The following TRABD2A variants were observed in gnomAD, a reference collection of about 807,000 sequenced individuals.
TRABD2A encodes the protein TraB domain containing 2A, also known as metalloprotease TIKI1.
Under a neutral mutation model 45.6 loss-of-function variants are expected in TRABD2A, and 43 were observed. The ratio of observed to expected loss-of-function variants is 0.94; its 90% CI spans 0.74 to 1.22. The LOEUF (loss-of-function observed/expected upper bound fraction) is 1.22. TRABD2A is among the 50% of genes most tolerant of loss of function. The probability of loss-of-function intolerance (pLI) is 0.00; values close to 1 mark genes in which losing one functional copy is unlikely to be tolerated. For synonymous variants in TRABD2A, 269 were observed against 265.0 expected, an observed-to-expected ratio of 1.02 and a Z score of -0.15; for missense variants, 642 against 652.4, an observed-to-expected ratio of 0.98 and a Z score of 0.17.
chr2:84,876,401 G>T (rs1044424101), intron 1 of TRABD2A, among the ~76,000 whole-genome samples: 9 of 152,356 alleles, frequency 5.9e-5, no homozygotes, highest in Non-Finnish European at 1.2e-4. Context: ...CAGCAAGGTT[G>T]CTGGGAAAAT....
intron 2 of TRABD2A, among the ~76,000 whole-genome samples, chr2:84,849,739 A>T (rs2105389178): frequency 6.6e-6 from 1 of 152,336 alleles, no homozygotes; most frequent in Middle Eastern, 3.4e-3. Flanking sequence ...AAATAAAAAA[A>T]TGCCTTAGAG....
At chr2:84,877,081 A>G (rs1267869243) in intron 1 of TRABD2A, among the ~76,000 whole-genome samples, 2 of 152,196 alleles carry the variant, frequency 1.3e-5, no homozygotes, top group Non-Finnish European at 1.5e-5. Context: ...CCGGATTCCC[A>G]CTGTGTGCAC....
intron 2 of TRABD2A, among the ~76,000 whole-genome samples, chr2:84,863,615 T>C (rs1264859912): frequency 1.7e-5 from 2 of 115,552 alleles, no homozygotes; most frequent in African/African-American, 7.0e-5. Flanking sequence ...TTTTTTTTTT[T>C]TTTTTTGTCT....
chr2:84,860,170 C>A (rs962431207), intron 2 of TRABD2A, among the ~76,000 whole-genome samples: 7 of 152,126 alleles, frequency 4.6e-5, no homozygotes, highest in African/African-American at 1.4e-4. Context: ...TGCAAAATCT[C>A]CTTCCTGTCA....
At chr2:84,838,112 G>A (rs993050882) in intron 4 of TRABD2A, 8 of 665,700 alleles carry the variant, frequency 1.2e-5, no homozygotes, top group Admixed American at 1.0e-4. Flanking sequence ...ATGTCAAATA[G>A]TGATGATTCT....
chr2:84,824,127 G>A lies in TRABD2A; in HGVS notation c.1160C>T (p.Pro387Leu), dbSNP rs200678068. The A allele has an allele frequency of 3.0e-5, 49 of 1,613,950 alleles. No individual in the cohort carries two copies. The African/African-American group carries it at 4.8e-4, about 16-fold the overall frequency. The change falls in exon 6 of 7, where the codon CCG becomes CTG. Residue 387 changes from proline to leucine, a missense_variant. Pro to Leu is a moderately conservative substitution (Grantham distance 98). Transcript: ENST00000409520. ...CCCTGAGGATACGGCTTCTGGTGCC[G>A]GTACTTCCAGGGTAGGGACTTTTGG... ...FAPKVPTLEV[P>L]APEAVSSGHS...
At chr2:84,859,950 G>C (rs532540373) in intron 2 of TRABD2A, among the ~76,000 whole-genome samples, 4 of 123,104 alleles carry the variant, frequency 3.2e-5, no homozygotes, top group East Asian at 2.0e-4. Flanking sequence ...TTGGAGAGAT[G>C]GGGGGGGGTC....
intron 2 of TRABD2A, among the ~76,000 whole-genome samples, chr2:84,863,597 C>CTTTTTTTTTTTTTTT (rs55952015): frequency 3.5e-4 from 27 of 78,116 alleles, no homozygotes; most frequent in African/African-American, 4.4e-4. Context: ...TTCAAATTTT[C>CTTTTTTTTTTTTTTT]TTTTTTTTTT....
intron 1 of TRABD2A, among the ~76,000 whole-genome samples, 166 bp downstream of exon 1, chr2:84,880,766 G>A (rs537394150): frequency 5.1e-4 from 78 of 152,344 alleles, no homozygotes; most frequent in African/African-American, 1.9e-3. Context: ...AGGGGAACCC[G>A]AGGGCACGGA....
chr2:84,833,418 G>A (rs1203340791), intron 4 of TRABD2A: 3 of 152,346 alleles, frequency 2.0e-5, no homozygotes, highest in Non-Finnish European at 2.9e-5. Flanking sequence ...TAGAACAAGT[G>A]ATTATAGTTT....
chr2:84,863,592 A>ATTT (rs1682573409), intron 2 of TRABD2A, among the ~76,000 whole-genome samples: 1 of 99,444 alleles, frequency 1.0e-5, no homozygotes, highest in African/African-American at 4.5e-5. Context: ...CTCTATTCAA[A>ATTT]TTTTCTTTTT....
Position 84,848,172 on chromosome 2 carries a change from G to A in TRABD2A, c.670-6165C>T, listed in dbSNP as rs150735515. Among the ~76,000 whole-genome samples, 637 of 152,180 alleles carry A rather than the reference G, an allele frequency of 4.2e-3. 4 individuals are homozygous for A. The highest frequency in any genetic ancestry group is 0.017 in the Middle Eastern group (5 of 294). ...CATAATTCAACCCATAACACATGTCGATCTCAGCGTTCCTTTTTTTCTAAC... is the reference window on the plus strand; with the variant it reads ...CATAATTCAACCCATAACACATGTCAATCTCAGCGTTCCTTTTTTTCTAAC... On this transcript the variant is annotated intron_variant, in intron 2 of 6. Coordinates refer to ENST00000409520, the MANE Select transcript of TRABD2A (RefSeq NM_001277053.2).
intron 2 of TRABD2A, chr2:84,843,820 C>T (rs1485425881): frequency 6.6e-6 from 1 of 152,262 alleles, no homozygotes; most frequent in African/African-American, 2.4e-5. Context: ...AATACCATCA[C>T]ACTAGCAACA....
chr2:84,871,911 T>C (rs1682882117), intron 1 of TRABD2A, among the ~76,000 whole-genome samples: 3 of 152,218 alleles, frequency 2.0e-5, no homozygotes, highest in Admixed American at 2.0e-4. Context: ...CACACTTATT[T>C]CTCTCACAAA....
chr2:84,868,888 A>C (rs1682781083), intron 2 of TRABD2A, among the ~76,000 whole-genome samples: 1 of 152,222 alleles, frequency 6.6e-6, no homozygotes, highest in African/African-American at 2.4e-5. Context: ...TATTATATTA[A>C]ATGCAGACAT....
intron 4 of TRABD2A, chr2:84,834,580 A>G (rs961250991): frequency 6.6e-6 from 1 of 152,346 alleles, no homozygotes; most frequent in Non-Finnish European, 1.5e-5. Context: ...GCAACCACTA[A>G]TCTATGAATA....
intron 1 of TRABD2A, among the ~76,000 whole-genome samples, chr2:84,876,786 C>A (rs1264229485): frequency 1.3e-5 from 2 of 152,166 alleles, no homozygotes; most frequent in Non-Finnish European, 2.9e-5. Context: ...AGGCTCTGTC[C>A]AGCTCATCTT....
rs1682832685 is a variant in TRABD2A, at chr2:84,870,394, C to G, written c.500G>C (p.Trp167Ser). Residue 167 changes from tryptophan (W) to serine (S), a missense_variant, in exon 2 of 7, where the codon TGG becomes TCG. By Grantham distance (177) the Trp-to-Ser change is radical (BLOSUM62 -3). Coordinates refer to ENST00000409520, the MANE Select transcript of TRABD2A (RefSeq NM_001277053.2). ...CAGGGAGTTGACCATGAGCATCACCCAGACAGGCCTCTTGCGCTCCCAGTT... is the reference window on the plus strand; with the variant it reads ...CAGGGAGTTGACCATGAGCATCACCGAGACAGGCCTCTTGCGCTCCCAGTT... ...AGNWERKRPV[W>S]VMLMVNSLTE... 3 of 1,614,034 alleles carry G rather than the reference C, an allele frequency of 1.9e-6. No individual in the cohort carries two copies. Among genetic ancestry groups the G allele is most frequent in the Non-Finnish European group, 2.5e-6 (3 of 1,179,886 alleles).
At position 84,834,115 on chromosome 2, in the gene TRABD2A, G is replaced by A. The variant is rs1376983862; in HGVS notation, c.992-1970C>T. On this transcript the variant is annotated intron_variant, in intron 4 of 6. Coordinates refer to ENST00000409520, the MANE Select transcript of TRABD2A (RefSeq NM_001277053.2). ...GCACCTTCCATCCACACAGACCCGG[G>A]GTGGTGCATTGGGACACCACCACTG... 5 of 152,300 alleles carry A rather than the reference G, an allele frequency of 3.3e-5. No homozygotes were observed. In the South Asian group the frequency reaches 1.0e-3, roughly 32 times the overall value. The allele number at this position is 152,300 out of a possible 1,614,324, so 9.4% of individuals were successfully genotyped here. A position where few individuals can be genotyped will look rare whatever the true frequency, so the allele number is the denominator to read the frequency against.
Sources: gnomAD v4.1 joint callset for allele counts (sites outside exome capture counted in the v4.1 genomes callset) on GRCh38, gnomAD v4.1.1 for gene constraint, MANE v1.5 for transcripts, NCBI Gene and HGNC (gene_info 2026-07-23, HGNC 2026-07-21) for gene names.